The following CDH13 variants were observed in gnomAD, a reference collection of about 807,000 sequenced individuals.
The protein encoded by CDH13 is cadherin 13.
CDH13 carries 24 observed loss-of-function variants against 63.8 expected under a neutral mutation model. The ratio of observed to expected loss-of-function variants is 0.38; its 90% CI spans 0.27 to 0.53. CDH13 has a LOEUF of 0.53. CDH13 is among the 20% of genes least tolerant of loss of function. The pLI, the probability that CDH13 is intolerant of heterozygous loss-of-function variation, is 0.85. For missense variants in CDH13, 1,049 were observed against 903.1 expected, an observed-to-expected ratio of 1.16 and a Z score of -2.07; for synonymous variants, 503 against 355.3, an observed-to-expected ratio of 1.42 and a Z score of -4.67.
intron 1 of CDH13, among the ~76,000 whole-genome samples, chr16:82,639,164 T>A (rs1328935322): frequency 6.6e-6 from 1 of 152,164 alleles, no homozygotes; most frequent in Non-Finnish European, 1.5e-5. Flanking sequence ...AAAAATTCTT[T>A]CCTTTGTCTA....
chr16:83,140,247 A>G (rs1239727060), intron 4 of CDH13, among the ~76,000 whole-genome samples: 1 of 152,090 alleles, frequency 6.6e-6, no homozygotes, highest in East Asian at 1.9e-4. Flanking sequence ...CTCCACTTCT[A>G]ATCATACCTA....
At chr16:83,722,527 A>G (rs1273773167) in intron 10 of CDH13, among the ~76,000 whole-genome samples, 1 of 152,220 alleles carries the variant, frequency 6.6e-6, no homozygotes, top group African/African-American at 2.4e-5. Flanking sequence ...CTATTAATTC[A>G]AGCTTTCCCC....
chr16:82,938,157 C>A (rs1414993893), intron 2 of CDH13, among the ~76,000 whole-genome samples: 1 of 152,174 alleles, frequency 6.6e-6, no homozygotes, highest in African/African-American at 2.4e-5. Flanking sequence ...AGAGCCTTTA[C>A]TGAAAAGGGC....
chr16:82,627,793 C>G (rs936831494), intron 1 of CDH13, among the ~76,000 whole-genome samples: 1 of 152,212 alleles, frequency 6.6e-6, no homozygotes, highest in Non-Finnish European at 1.5e-5. Context: ...CCCGAAAGGG[C>G]CGGAGCGTGT....
chr16:83,648,228 G>A (rs1912022191), intron 8 of CDH13, among the ~76,000 whole-genome samples: 1 of 152,140 alleles, frequency 6.6e-6, no homozygotes, highest in African/African-American at 2.4e-5. Context: ...CTGGCCGTGT[G>A]TTCTCAGAGT....
chr16:82,828,050 A>G (rs931056448), intron 1 of CDH13, among the ~76,000 whole-genome samples: 12 of 152,134 alleles, frequency 7.9e-5, no homozygotes, highest in Non-Finnish European at 1.6e-4. Flanking sequence ...TGGTCATCCT[A>G]TTATGAGAGG....
intron 1 of CDH13, among the ~76,000 whole-genome samples, chr16:82,762,408 A>T (rs2034888642): frequency 6.6e-6 from 1 of 152,240 alleles, no homozygotes; most frequent in African/African-American, 2.4e-5. Context: ...CTTAATGCAC[A>T]AAGTTCTCAA....
intron 5 of CDH13, among the ~76,000 whole-genome samples, chr16:83,326,986 G>T (rs74538806): frequency 0.079 from 11,954 of 152,256 alleles, 649 homozygotes; most frequent in Non-Finnish European, 0.12. Context: ...TCTGGCTGCT[G>T]AAGACCTCTT....
intron 6 of CDH13, among the ~76,000 whole-genome samples, chr16:83,479,714 T>C (rs955594927): frequency 8.5e-5 from 13 of 152,116 alleles, no homozygotes; most frequent in African/African-American, 3.1e-4. Flanking sequence ...GGACTTTATA[T>C]AGATTAATTT....
chr16:83,734,057 C>T (rs1400594548), intron 10 of CDH13, among the ~76,000 whole-genome samples: 1 of 152,160 alleles, frequency 6.6e-6, no homozygotes, highest in East Asian at 1.9e-4. Flanking sequence ...AGCCTTACCT[C>T]CCCTCCTGTG....
At chr16:83,335,461 A>G (rs2151907122) in intron 5 of CDH13, among the ~76,000 whole-genome samples, 1 of 152,256 alleles carries the variant, frequency 6.6e-6, no homozygotes, top group South Asian at 2.1e-4. Flanking sequence ...GGCAGTGTTA[A>G]GACTTGTACA....
At chr16:83,570,825 A>T (rs1904523347) in intron 7 of CDH13, among the ~76,000 whole-genome samples, 2 of 111,806 alleles carry the variant, frequency 1.8e-5, no homozygotes. Context: ...TATAAATATA[A>T]ATAAAAATTT....
At chr16:83,356,464 C>G (rs2091059517) in intron 6 of CDH13, among the ~76,000 whole-genome samples, 3 of 152,118 alleles carry the variant, frequency 2.0e-5, no homozygotes, top group Admixed American at 2.0e-4. Context: ...TCAGTCAAGA[C>G]AGGCCACAAA....
intron 6 of CDH13, among the ~76,000 whole-genome samples, chr16:83,353,938 G>A (rs1182249810): frequency 6.6e-6 from 1 of 152,192 alleles, no homozygotes; most frequent in Non-Finnish European, 1.5e-5. Flanking sequence ...TCTATATTTG[G>A]AAGAGGGAAG....
chr16:83,734,931 G>C (rs1653455652), intron 10 of CDH13, among the ~76,000 whole-genome samples: 1 of 149,750 alleles, frequency 6.7e-6, no homozygotes, highest in Admixed American at 6.7e-5. Flanking sequence ...CTTGAGAAAG[G>C]AACTCAGATA....
chr16:83,122,543 C>T (rs898420769), intron 3 of CDH13, among the ~76,000 whole-genome samples: 1 of 152,180 alleles, frequency 6.6e-6, no homozygotes, highest in African/African-American at 2.4e-5. Context: ...AATAACAACA[C>T]GTTTCCCTTG....
chr16:83,014,774 A>ATATATATATT (rs1394588994), intron 2 of CDH13, among the ~76,000 whole-genome samples: 1 of 36,314 alleles, frequency 2.8e-5, no homozygotes, highest in Non-Finnish European at 5.6e-5. Flanking sequence ...ATATATATAT[A>ATATATATATT]TGTATATATA....
intron 2 of CDH13, among the ~76,000 whole-genome samples, chr16:82,909,081 T>A (rs1484842735): frequency 1.3e-5 from 2 of 152,206 alleles, no homozygotes; most frequent in African/African-American, 4.8e-5. Flanking sequence ...CTAGATTACT[T>A]ATGATATGTA....
intron 7 of CDH13, among the ~76,000 whole-genome samples, chr16:83,531,793 A>C (rs2075089557): frequency 6.6e-6 from 1 of 152,202 alleles, no homozygotes; most frequent in East Asian, 1.9e-4. Flanking sequence ...CCTTAATTTT[A>C]GCACAGTGAA....
Sources: gnomAD v4.1 joint callset for allele counts (sites outside exome capture counted in the v4.1 genomes callset) on GRCh38, gnomAD v4.1.1 for gene constraint, MANE v1.5 for transcripts, NCBI Gene and HGNC (gene_info 2026-07-23, HGNC 2026-07-21) for gene names.